TTC3: variants seen among roughly 807,000 people sequenced by gnomAD.
The protein encoded by TTC3 is E3 ubiquitin-protein ligase TTC3.
Under a neutral mutation model 249.6 loss-of-function variants are expected in TTC3, and 180 were observed. The observed-to-expected ratio is 0.72, with a 90% confidence interval of 0.64 to 0.82. TTC3 has a LOEUF of 0.82. Among genes scored for constraint, TTC3 ranks in the 40% least tolerant of loss-of-function variants. TTC3 has a pLI of 0.00. For missense variants in TTC3, 2,061 were observed against 2,398.4 expected (o/e 0.86, Z 2.94); for synonymous variants, 717 against 805.0 (o/e 0.89, Z 1.85).
At chr21:37,103,310 CTCTT>C (rs935713166) in intron 10 of TTC3, among the ~76,000 whole-genome samples, 3 of 152,328 alleles carry the variant, frequency 2.0e-5, no homozygotes, top group African/African-American at 4.8e-5. Context: ...GACTAGAACT[CTCTT>C]TCTTACTCTG....
chr21:37,122,903 A>C, intron 12 of TTC3, 80 bp from the exon 13 acceptor site: 1 of 1,359,946 alleles, frequency 7.4e-7, no homozygotes, highest in Non-Finnish European at 9.8e-7. Context: ...TATCAGCTTA[A>C]AGTAAATTTG....
In TTC3 at chr21:37,095,392, A is replaced by G. The variant is rs562162962; in HGVS notation, c.730A>G (p.Lys244Glu). 28 of 1,609,194 alleles carry G rather than the reference A, an allele frequency of 1.7e-5. No individual in the cohort carries two copies. The highest frequency in any genetic ancestry group is 2.1e-5 in the Non-Finnish European group (25 of 1,177,784). The change falls in exon 9 of 46, where the codon AAA becomes GAA. Residue 244 changes from lysine to glutamate, a missense_variant. Coordinates refer to ENST00000355666, the Ensembl canonical transcript of TTC3. ...AATGAAAGGAAATGAAGAGTTTTCC[A>G]AAGAAAGATTTGATATAGCTATTAT...
exon 44 of TTC3, chr21:37,197,991 A>C: frequency 6.2e-7 from 1 of 1,613,702 alleles, no homozygotes; most frequent in Non-Finnish European, 8.5e-7. Context: ...CCCAAAACCA[A>C]GGGGCAGAAA....
intron 1 of TTC3, among the ~76,000 whole-genome samples, chr21:37,078,072 A>G (rs923461994): frequency 2.0e-5 from 3 of 151,860 alleles, no homozygotes; most frequent in Non-Finnish European, 4.4e-5. Context: ...TGTGGTTCTA[A>G]TTATCCCTGT....
At chr21:37,150,932 TA>T in intron 25 of TTC3, 48 bp downstream of exon 25, 2 of 1,331,652 alleles carry the variant, frequency 1.5e-6, no homozygotes, top group Non-Finnish European at 2.1e-6. Flanking sequence ...TCTCTTAGAA[TA>T]TAATTCTATT....
At chr21:37,163,876 CTG>C (rs922252775) in intron 31 of TTC3, among the ~76,000 whole-genome samples, 173 bp from the exon 32 acceptor site, 55 of 152,138 alleles carry the variant, frequency 3.6e-4, no homozygotes, top group African/African-American at 1.3e-3. Context: ...TCGCCTATAA[CTG>C]TGGAAGGGTA....
chr21:37,119,007 CTG>C (rs1239224045), intron 11 of TTC3, among the ~76,000 whole-genome samples: 1 of 152,090 alleles, frequency 6.6e-6, no homozygotes, highest in East Asian at 1.9e-4. Flanking sequence ...GTCTACTAAT[CTG>C]TGTCATTTGT....
chr21:37,117,019 T>C (rs1056182802), intron 11 of TTC3, among the ~76,000 whole-genome samples: 3 of 149,986 alleles, frequency 2.0e-5, no homozygotes, highest in Non-Finnish European at 4.4e-5. Context: ...AGATTAATTG[T>C]AGGAGTTTAT....
intron 17 of TTC3, among the ~76,000 whole-genome samples, chr21:37,134,078 G>C (rs777569980): frequency 6.6e-6 from 1 of 152,104 alleles, no homozygotes; most frequent in Non-Finnish European, 1.5e-5. Context: ...CTGTCATCGA[G>C]CTTTTAAGTT....
Position 37,091,365 on chromosome 21 carries a change from G to T in TTC3, c.553G>T (p.Gly185Ter). Residue 185 changes from glycine (G) to a stop codon, truncating the protein, a stop_gained, in exon 7 of 46, where the codon GGA (glycine) becomes TGA (stop). Coordinates refer to ENST00000355666, the Ensembl canonical transcript of TTC3. LOFTEE classifies it high-confidence loss of function. ...CGATGTAACAATTCTAACTAAATTA[G>T]GATCAATTGACAATTGTTGGCCTAT... The T allele has an allele frequency of 6.2e-7, 1 of 1,610,656 alleles. No homozygotes were observed. The highest frequency in any genetic ancestry group is 1.1e-5 in the South Asian group (1 of 90,668).
In TTC3 at chr21:37,143,317, G is replaced by A. The variant is rs1313634026; in HGVS notation, c.1773-1208G>A. 4.0e-5 allele frequency among the ~76,000 whole-genome samples: 6 copies of A among 151,674 alleles called. No individual in the cohort carries two copies. The East Asian group carries it at 5.8e-4, about 15-fold the overall frequency. ...CATCAGAGTGAACAGGCAACCTACAGAATGGGAGAAAATTTTTGCAATCTA... is the reference window on the plus strand; with the variant it reads ...CATCAGAGTGAACAGGCAACCTACAAAATGGGAGAAAATTTTTGCAATCTA... On this transcript the variant is annotated intron_variant, in intron 20 of 45. Transcript: ENST00000355666.
rs544266927 is a variant in TTC3 at position 37,095,439 on chromosome 21, A to G, written c.777A>G (p.Glu259=). 1.4e-5 allele frequency: 22 copies of G among 1,586,448 alleles called. No individual in the cohort carries two copies. In the East Asian group the frequency reaches 4.8e-4, roughly 34 times the overall value. ...TTATCTATTACACCAGAGCCATTGA[A>G]TATAGGTAAGAGCAAATAGAACAAA... Residue 259 remains glutamate, a synonymous_variant, in exon 9 of 46, where the codon GAA becomes GAG. Coordinates refer to ENST00000355666, the Ensembl canonical transcript of TTC3.
chr21:37,163,915 C>A, intron 31 of TTC3, 136 bp from the exon 32 acceptor site: 1 of 869,662 alleles, frequency 1.1e-6, no homozygotes, highest in Non-Finnish European at 1.6e-6. Context: ...TTCCCTGGTG[C>A]TATTTTTTTG....
At chr21:37,093,059 C>A (rs2073479907) in intron 7 of TTC3, among the ~76,000 whole-genome samples, 1 of 152,002 alleles carries the variant, frequency 6.6e-6, no homozygotes, top group Non-Finnish European at 1.5e-5. Context: ...AAATTTGAAA[C>A]CTTTTGAGCT....
chr21:37,173,330 C>T (rs147979860), intron 35 of TTC3, among the ~76,000 whole-genome samples: 1 of 152,242 alleles, frequency 6.6e-6, no homozygotes, highest in East Asian at 1.9e-4. Flanking sequence ...CATCTTACTC[C>T]TAAGGAAGTA....
chr21:37,123,628 T>C (rs1021019678), intron 13 of TTC3, among the ~76,000 whole-genome samples: 5 of 152,246 alleles, frequency 3.3e-5, no homozygotes, highest in African/African-American at 1.2e-4. Flanking sequence ...CTGCTAATTC[T>C]GTAGCATGCT....
Position 37,185,702 on chromosome 21 carries a change from A to C in TTC3, c.4758-4A>C, listed in dbSNP as rs771042653. 2 of 1,533,180 alleles carry C rather than the reference A, an allele frequency of 1.3e-6. No individual in the cohort carries two copies. The highest frequency in any genetic ancestry group is 1.7e-6 in the Non-Finnish European group (2 of 1,143,944). The allele number at this position is 1,533,180 out of a possible 1,614,324, so 95.0% of individuals were successfully genotyped here. A position where few individuals can be genotyped will look rare whatever the true frequency, so the allele number is the denominator to read the frequency against. ...ATTAATATTTGGTGATTATGCTTTT[A>C]TAGGTATACCCAGAAAAATGATGGA... On this transcript the variant is annotated splice_polypyrimidine_tract_variant and splice_region_variant and intron_variant, in intron 36 of 45. Coordinates refer to ENST00000355666, the Ensembl canonical transcript of TTC3.
chr21:37,143,933 G>A (rs552257929), intron 20 of TTC3, among the ~76,000 whole-genome samples: 118 of 147,672 alleles, frequency 8.0e-4, no homozygotes, highest in African/African-American at 2.7e-3. Flanking sequence ...ATGAGTTCAT[G>A]TCCTTTGTAG....
At position 37,154,796 on chromosome 21, in the gene TTC3, C is replaced by T. The variant is rs541555928; in HGVS notation, c.2740+1519C>T. 3.3e-5 allele frequency among the ~76,000 whole-genome samples: 5 copies of T among 152,168 alleles called. No individual in the cohort carries two copies. In the South Asian group the frequency reaches 1.0e-3, roughly 32 times the overall value. ...CTGCAAGCTCCGCCTCCCGGGTTCA[C>T]GCCATTCTCCTGCCTCAGCCTCCCG... On this transcript the variant is annotated intron_variant, in intron 27 of 45. Transcript: ENST00000355666.
Sources: gnomAD v4.1 joint callset for allele counts (sites outside exome capture counted in the v4.1 genomes callset) on GRCh38, gnomAD v4.1.1 for gene constraint, MANE v1.5 for transcripts, NCBI Gene and HGNC (gene_info 2026-07-23, HGNC 2026-07-21) for gene names.